EPM2A: variants seen among roughly 807,000 people sequenced by gnomAD.
The protein encoded by EPM2A is laforin.
Under a neutral mutation model 26.5 loss-of-function variants are expected in EPM2A, and 21 were observed. The observed-to-expected ratio is 0.79, with a 90% CI of 0.56 to 1.14. EPM2A has a LOEUF of 1.14. EPM2A is among the 50% of genes most tolerant of loss of function. The pLI is 0.00. For synonymous variants in EPM2A, 217 were observed against 177.6 expected, an observed-to-expected ratio of 1.22 and a Z score of -1.76; for missense variants, 458 against 440.8, an observed-to-expected ratio of 1.04 and a Z score of -0.35.
chr6:145,496,764 T>G (rs1289551698), downstream of EPM2A, among the ~76,000 whole-genome samples: 2 of 127,336 alleles, frequency 1.6e-5, no homozygotes, highest in African/African-American at 5.6e-5. Flanking sequence ...GGAGTCTCGC[T>G]CTGTCGCCCA....
chr6:145,503,025 T>A (rs1345172755), intron 2 of EPM2A, among the ~76,000 whole-genome samples: 1 of 152,210 alleles, frequency 6.6e-6, no homozygotes, highest in Non-Finnish European at 1.5e-5. Context: ...TAAATGTTTT[T>A]AGTGATGCTT....
intron 4 of EPM2A, among the ~76,000 whole-genome samples, chr6:145,390,176 G>C (rs1048698065): frequency 6.6e-6 from 1 of 152,048 alleles, no homozygotes; most frequent in South Asian, 2.1e-4. Context: ...GTTGCAGTTC[G>C]CTGGCTGAAT....
intron 2 of EPM2A, among the ~76,000 whole-genome samples, chr6:145,606,426 TTAAA>T (rs1384334802): frequency 1.3e-5 from 2 of 151,884 alleles, no homozygotes; most frequent in African/African-American, 4.8e-5. Context: ...TATTTAAACA[TTAAA>T]TATTTGTTTT....
intron 4 of EPM2A, among the ~76,000 whole-genome samples, chr6:145,399,434 C>G (rs781765002): frequency 2.6e-5 from 4 of 152,108 alleles, no homozygotes; most frequent in Non-Finnish European, 4.4e-5. Context: ...TAAAAGTTTT[C>G]CTGCTTTCAA....
intron 4 of EPM2A, among the ~76,000 whole-genome samples, chr6:145,413,102 T>A (rs539720620): frequency 6.6e-6 from 1 of 152,284 alleles, no homozygotes; most frequent in African/African-American, 2.4e-5. Flanking sequence ...AAAAGAATAG[T>A]ATCAGCATAA....
intron 2 of EPM2A, 119 bp downstream of exon 2, chr6:145,686,003 C>T: frequency 2.4e-6 from 2 of 838,852 alleles, no homozygotes; most frequent in Admixed American, 4.0e-5. Context: ...CAAAGTACTA[C>T]AGGCCTATAG....
rs373652439 is a variant in EPM2A, at chr6:145,635,248, C to G, written c.715G>C (p.Glu239Gln). The G allele has an allele frequency of 6.2e-7, 1 of 1,614,162 alleles. No individual in the cohort carries two copies. Among genetic ancestry groups the G allele is most frequent in the Admixed American group, 1.7e-5 (1 of 60,014 alleles). The change falls in exon 3 of 4, where the codon GAA becomes CAA. Residue 239 changes from glutamate to glutamine, a missense_variant. Glu to Gln is a conservative substitution (Grantham distance 29). Coordinates refer to ENST00000367519, the MANE Select transcript of EPM2A (RefSeq NM_005670.4). The part of the protein sequence containing the change: ...IWMPTPDMST[E>Q]GRVQMLPQAV... ...GCAGAACAGTTCTGATCCTTACCTT[C>G]GGTGCTCATATCTGGTGTTGGCATC...
At chr6:145,732,233 G>GTA (rs1776529153) in intron 1 of EPM2A, among the ~76,000 whole-genome samples, 1 of 110,706 alleles carries the variant, frequency 9.0e-6, no homozygotes, top group East Asian at 2.5e-4. Flanking sequence ...GTGTGTGTGT[G>GTA]TGTGCGCGCC....
chr6:145,480,526 G>T (rs1190741394), intron 4 of EPM2A, among the ~76,000 whole-genome samples: 1 of 151,996 alleles, frequency 6.6e-6, no homozygotes, highest in Non-Finnish European at 1.5e-5. Context: ...TTAGAAATAT[G>T]ATTTGCAAAT....
chr6:145,451,252 T>C (rs1167122134), intron 4 of EPM2A, among the ~76,000 whole-genome samples: 1 of 152,182 alleles, frequency 6.6e-6, no homozygotes, highest in East Asian at 1.9e-4. Flanking sequence ...TGTGTCAACA[T>C]GGGAAGGAAA....
intron 4 of EPM2A, among the ~76,000 whole-genome samples, chr6:145,387,078 T>G (rs553597892): frequency 6.6e-6 from 1 of 152,180 alleles, no homozygotes; most frequent in African/African-American, 2.4e-5. Flanking sequence ...TATTTCTTCT[T>G]AAACTAGATC....
In EPM2A at chr6:145,492,089, C is replaced by T. The variant is rs536710786; in HGVS notation, c.555+10433G>A. 8.5e-5 allele frequency: 21 copies of T among 248,254 alleles called. No homozygotes were observed. In the Admixed American group the frequency reaches 9.7e-4, roughly 11 times the overall value. The allele number at this position is 248,254 out of a possible 1,614,324, so 15.4% of individuals were successfully genotyped here. The stretch of plus-strand genomic sequence containing the variant: ...AAACATTTCATCCTCTCTTCAACCT[C>T]CATGGCCATCAGGTTGCCCTAGTTC... On this transcript the variant is annotated intron_variant, in intron 4 of 4. Coordinates refer to the EPM2A transcript ENST00000638717.
chr6:145,425,197 G>A (rs972393795), intron 4 of EPM2A, among the ~76,000 whole-genome samples: 5 of 124,726 alleles, frequency 4.0e-5, no homozygotes, highest in East Asian at 2.4e-4. Flanking sequence ...TTTCTTTGAC[G>A]TAGTCTTGCT....
At chr6:145,554,687 G>A (rs1275973222) in intron 2 of EPM2A, among the ~76,000 whole-genome samples, 1 of 152,062 alleles carries the variant, frequency 6.6e-6, no homozygotes, top group African/African-American at 2.4e-5. Context: ...AGGTGAGAGA[G>A]GAAGAATGTG....
intron 1 of EPM2A, among the ~76,000 whole-genome samples, chr6:145,694,174 T>C (rs1362076618): frequency 1.3e-5 from 2 of 152,028 alleles, no homozygotes; most frequent in Non-Finnish European, 2.9e-5. Flanking sequence ...TTAATTATTT[T>C]AAATGTTTCA....
At chr6:145,415,204 A>G (rs1322857614) in intron 4 of EPM2A, among the ~76,000 whole-genome samples, 1 of 152,244 alleles carries the variant, frequency 6.6e-6, no homozygotes, top group Non-Finnish European at 1.5e-5. Flanking sequence ...CTAGAACAGA[A>G]CACATCAAAA....
At chr6:145,648,931 T>A (rs1456216330) in intron 2 of EPM2A, among the ~76,000 whole-genome samples, 3 of 152,210 alleles carry the variant, frequency 2.0e-5, no homozygotes, top group African/African-American at 7.2e-5. Context: ...AAAAGGGAAG[T>A]TAGAGGTGAT....
intron 2 of EPM2A, among the ~76,000 whole-genome samples, chr6:145,669,294 GAATT>G (rs1779476499): frequency 6.6e-6 from 1 of 152,114 alleles, no homozygotes; most frequent in South Asian, 2.1e-4. Flanking sequence ...GGTAACAGCA[GAATT>G]AATTCTAATA....
intron 2 of EPM2A, among the ~76,000 whole-genome samples, chr6:145,530,852 A>G (rs1248603328): frequency 6.6e-6 from 1 of 152,178 alleles, no homozygotes; most frequent in Non-Finnish European, 1.5e-5. Context: ...GGCTTTACAA[A>G]CAAGCCTCTG....
Sources: gnomAD v4.1 joint callset for allele counts (sites outside exome capture counted in the v4.1 genomes callset) on GRCh38, gnomAD v4.1.1 for gene constraint, MANE v1.5 for transcripts, NCBI Gene and HGNC (gene_info 2026-07-23, HGNC 2026-07-21) for gene names.